ZBBX: variants seen among roughly 807,000 people sequenced by gnomAD.
ZBBX encodes zinc finger B-box domain-containing protein 1.
ZBBX carries 101 observed loss-of-function variants against 108.5 expected under a neutral mutation model. The ratio of observed to expected loss-of-function variants is 0.93; its 90% CI spans 0.79 to 1.10. The LOEUF (loss-of-function observed/expected upper bound fraction) is 1.10, where lower values mean the gene tolerates loss of function less well. Among genes scored for constraint, ZBBX ranks in the 50% least tolerant of loss-of-function variants. The pLI, the probability that ZBBX is intolerant of heterozygous loss-of-function variation, is 0.00. For missense variants in ZBBX, 1,009 were observed against 941.4 expected, an observed-to-expected ratio of 1.07 and a Z score of -0.94; for synonymous variants, 356 against 323.4, an observed-to-expected ratio of 1.10 and a Z score of -1.08.
intron 2 of ZBBX, among the ~76,000 whole-genome samples, chr3:167,377,597 T>C (rs1380387027): frequency 6.6e-6 from 1 of 152,108 alleles, no homozygotes. Flanking sequence ...TAAATGAGAA[T>C]TTAAAATAGT....
At chr3:167,270,782 G>C (rs935223980) in intron 20 of ZBBX, among the ~76,000 whole-genome samples, 8 of 152,212 alleles carry the variant, frequency 5.3e-5, no homozygotes, top group Non-Finnish European at 1.2e-4. Flanking sequence ...CCAGAATCCT[G>C]AAATATGAAG....
the ZBBX span, among the ~76,000 whole-genome samples, chr3:167,220,073 C>A: frequency 1.3e-4 from 20 of 151,764 alleles, no homozygotes; most frequent in Non-Finnish European, 2.7e-4. Flanking sequence ...CGGAACAGAC[C>A]AATAATAAGT....
At position 167,348,314 on chromosome 3, in the gene ZBBX, GAGAAAGAAAGAAAGAAAGAAAGAAAGAA is replaced by G. The variant is rs71176641; in HGVS notation, c.528+2078_528+2105del. 6.3e-3 allele frequency among the ~76,000 whole-genome samples: 414 copies of G among 65,564 alleles called. 5 individuals are homozygous for G. The highest frequency in any genetic ancestry group is 0.021 in the African/African-American group (376 of 17,904). The allele number at this position is 65,564 out of a possible 152,430, so 43.0% of individuals were successfully genotyped here. A position where few individuals can be genotyped will look rare whatever the true frequency, so the allele number is the denominator to read the frequency against. On this transcript the variant is annotated intron_variant, in intron 9 of 21. Coordinates refer to ENST00000675490, the MANE Select transcript of ZBBX (RefSeq NM_001199201.2). ...AGGAAAGAAGAAAGAGAGAAAGAAA[GAGAAAGAAAGAAAGAAAGAAAGAAAGAA>G]AGAAAGAAAGAAAGAAAGAAAGAAA... is the stretch of plus-strand genomic sequence containing the variant.
At chr3:167,270,660 A>C (rs114311359) in intron 20 of ZBBX, among the ~76,000 whole-genome samples, 3,217 of 152,236 alleles carry the variant, frequency 0.021, 111 homozygotes, top group African/African-American at 0.074. Context: ...TGCTATGGCA[A>C]TATTAGTTGA....
chr3:167,189,387 G>A, the ZBBX span, among the ~76,000 whole-genome samples: 5 of 152,036 alleles, frequency 3.3e-5, no homozygotes, highest in African/African-American at 7.2e-5. Context: ...AAGTTGTGAC[G>A]GATGTCTGCA....
At chr3:167,197,716 G>C in the ZBBX span, among the ~76,000 whole-genome samples, 1 of 152,052 alleles carries the variant, frequency 6.6e-6, no homozygotes, top group African/African-American at 2.4e-5. Flanking sequence ...GTCATATTCC[G>C]AAAGTTGATT....
At chr3:167,348,309 A>G (rs1426716253) in intron 9 of ZBBX, among the ~76,000 whole-genome samples, 18 of 120,562 alleles carry the variant, frequency 1.5e-4, no homozygotes, top group African/African-American at 4.8e-4. Context: ...AAAGAGAGAA[A>G]GAAAGAGAAA....
the ZBBX span, among the ~76,000 whole-genome samples, chr3:167,196,395 T>A: frequency 6.6e-6 from 1 of 152,306 alleles, no homozygotes; most frequent in Admixed American, 6.5e-5. Flanking sequence ...ACTACTTAAA[T>A]AGTAAAACAT....
intron 9 of ZBBX, among the ~76,000 whole-genome samples, chr3:167,349,583 G>A (rs752903492): frequency 1.3e-5 from 2 of 151,868 alleles, no homozygotes; most frequent in African/African-American, 2.4e-5. Flanking sequence ...TCAGGTAAAC[G>A]CAAAGATTGA....
At chr3:167,232,221 T>G in the ZBBX span, among the ~76,000 whole-genome samples, 1 of 151,840 alleles carries the variant, frequency 6.6e-6, no homozygotes, top group Non-Finnish European at 1.5e-5. Context: ...TGTGTTTCAC[T>G]AATACCAAGT....
chr3:167,338,672 T>C (rs1739994009), intron 9 of ZBBX, among the ~76,000 whole-genome samples: 1 of 152,130 alleles, frequency 6.6e-6, no homozygotes, highest in Admixed American at 6.6e-5. Flanking sequence ...TTAGAAGAGA[T>C]TTATTGTAAC....
chr3:167,332,015 A>G (rs527738105), intron 10 of ZBBX, among the ~76,000 whole-genome samples: 2 of 152,316 alleles, frequency 1.3e-5, no homozygotes, highest in East Asian at 3.9e-4. Context: ...TCTTCTAGCC[A>G]TTAAATTAAA....
intron 1 of ZBBX, among the ~76,000 whole-genome samples, chr3:167,393,189 A>T (rs1320583745): frequency 6.6e-6 from 1 of 151,850 alleles, no homozygotes; most frequent in Non-Finnish European, 1.5e-5. Flanking sequence ...TAGCTATATG[A>T]ATAAATTCTT....
At chr3:167,195,307 C>A in the ZBBX span, among the ~76,000 whole-genome samples, 1 of 152,232 alleles carries the variant, frequency 6.6e-6, no homozygotes, top group African/African-American at 2.4e-5. Context: ...ACTAACTCAG[C>A]TTAACCATTC....
At chr3:167,338,595 G>A (rs148857869) in intron 9 of ZBBX, among the ~76,000 whole-genome samples, 6 of 151,788 alleles carry the variant, frequency 4.0e-5, no homozygotes, top group Non-Finnish European at 5.9e-5. Context: ...GCAAGTTTGA[G>A]GGGGAAAGGA....
the ZBBX span, among the ~76,000 whole-genome samples, chr3:167,197,477 G>A: frequency 6.6e-6 from 1 of 152,142 alleles, no homozygotes; most frequent in Non-Finnish European, 1.5e-5. Context: ...GGTGGAGCTT[G>A]CAGTGAGCCG....
In ZBBX at chr3:167,277,919, G is replaced by C. The variant is rs370884860; in HGVS notation, c.2254+4319C>G. Among the ~76,000 whole-genome samples the C allele has an allele frequency of 9.0e-3, 1,359 of 151,274 alleles. 16 individuals are homozygous for C. Among genetic ancestry groups the C allele is most frequent in the African/African-American group, 0.031 (1,272 of 40,888 alleles). ...ACTATCTCTCAGACCACAGTGCAATGAAACTAGAACTCAGGATTAAGAATC... is the reference window on the plus strand; with the variant it reads ...ACTATCTCTCAGACCACAGTGCAATCAAACTAGAACTCAGGATTAAGAATC... On this transcript the variant is annotated intron_variant, in intron 20 of 21. Transcript: ENST00000675490.
the ZBBX span, among the ~76,000 whole-genome samples, chr3:167,191,916 T>TAG: frequency 1.9e-3 from 193 of 103,278 alleles, 5 homozygotes; most frequent in African/African-American, 6.3e-3. Context: ...TATATATATA[T>TAG]ATATATATAT....
At chr3:167,284,868 T>C (rs1162796011) in intron 19 of ZBBX, among the ~76,000 whole-genome samples, 1 of 152,090 alleles carries the variant, frequency 6.6e-6, no homozygotes, top group Admixed American at 6.6e-5. Flanking sequence ...GTTTAATATA[T>C]AAGGGTACTA....
Sources: gnomAD v4.1 joint callset for allele counts (sites outside exome capture counted in the v4.1 genomes callset) on GRCh38, gnomAD v4.1.1 for gene constraint, MANE v1.5 for transcripts, NCBI Gene and HGNC (gene_info 2026-07-23, HGNC 2026-07-21) for gene names.